GRM2: variants seen among roughly 807,000 people sequenced by gnomAD.
The protein encoded by GRM2 is metabotropic glutamate receptor 2.
GRM2 carries 35 observed loss-of-function variants against 60.4 expected under a neutral mutation model. That is an observed-to-expected ratio of 0.58 (90% CI 0.44 to 0.77). The LOEUF is 0.77. Ranked by LOEUF, GRM2 falls within the 30% of genes least tolerant of loss-of-function variation. The pLI is 0.00. For missense variants in GRM2, 925 were observed against 1,199.5 expected (o/e 0.77, Z 3.38); for synonymous variants, 437 against 484.1 (o/e 0.90, Z 1.28).
rs1028106968 is a variant in GRM2 at position 51,716,214 on chromosome 3, G to C, written c.2364+77G>C. ...TTCCTGGTATCTTATTTAATCTACT[G>C]GTAGCTCTGGGGTTCCAAGAGGATA... On this transcript the variant is annotated intron_variant, in intron 4 of 5. Coordinates refer to ENST00000395052, the MANE Select transcript of GRM2 (RefSeq NM_000839.5). This position sits in a 1 kb window ranked among gnomAD's most constrained non-coding sequence, Gnocchi z 4.0. 3.1e-6 allele frequency: 3 copies of C among 963,458 alleles called. No homozygotes were observed. Among genetic ancestry groups the C allele is most frequent in the Non-Finnish European group, 4.8e-6 (3 of 623,170 alleles). The allele number at this position is 963,458 out of a possible 1,614,324, so 59.7% of individuals were successfully genotyped here. A position where few individuals can be genotyped will look rare whatever the true frequency, so the allele number is the denominator to read the frequency against.
rs760924668 is a variant in GRM2 at position 51,716,787 on chromosome 3, AAC to A, written c.2364+652_2364+653del. 1.3e-5 allele frequency among the ~76,000 whole-genome samples: 2 copies of A among 152,220 alleles called. No individual in the cohort carries two copies. Among genetic ancestry groups the A allele is most frequent in the Non-Finnish European group, 2.9e-5 (2 of 68,034 alleles). The stretch of plus-strand genomic sequence containing the variant: ...GGCTCTCCCGTTTTACAGATGAAGA[AAC>A]AGAGACTCAGGGAGGTTCAATCCCT... On this transcript the variant is annotated intron_variant, in intron 4 of 5. Coordinates refer to ENST00000395052, the MANE Select transcript of GRM2 (RefSeq NM_000839.5). This position sits in a 1 kb window ranked among gnomAD's most constrained non-coding sequence, Gnocchi z 4.0.
rs780877654 is a variant in GRM2, at chr3:51,715,759, T to G, written c.1986T>G (p.Gly662=). 6.2e-7 allele frequency: 1 copy of G among 1,613,818 alleles called. No homozygotes were observed. Among genetic ancestry groups the G allele is most frequent in the Non-Finnish European group, 8.5e-7 (1 of 1,179,782 alleles). ...TKTNRIARIF[G]GAREGAQRPR... is the part of the protein sequence containing the mutation. ...CCAACCGCATTGCACGCATCTTCGG[T>G]GGGGCCCGGGAGGGTGCCCAGCGGC... The change falls in exon 4 of 6, where the codon GGT becomes GGG. Residue 662 remains glycine (G), a synonymous_variant. Transcript: ENST00000395052. The surrounding 1 kb of genome is among the most constrained non-coding windows in gnomAD (Gnocchi z 9.0).
At position 51,715,659 on chromosome 3, in the gene GRM2, C is replaced by T. The variant is rs746682496; in HGVS notation, c.1886C>T (p.Thr629Met). ...MTFIFIAKPSTAVCTLRRLGL... is the reference protein window; with the variant it reads ...MTFIFIAKPSMAVCTLRRLGL... The stretch of plus-strand genomic sequence containing the variant: ...TTCATCTTCATTGCCAAGCCATCCA[C>T]GGCAGTGTGTACCTTACGGCGTCTT... The change falls in exon 4 of 6, where the codon ACG (threonine) becomes ATG (methionine). Residue 629 changes from threonine to methionine, a missense_variant. Physicochemically the swap from Thr to Met is moderately conservative, Grantham distance 81 (BLOSUM62 -1). Coordinates refer to ENST00000395052, the MANE Select transcript of GRM2 (RefSeq NM_000839.5). This position sits in a 1 kb window ranked among gnomAD's most constrained non-coding sequence, Gnocchi z 9.0. 1.7e-5 allele frequency: 27 copies of T among 1,614,136 alleles called. No individual in the cohort carries two copies. The highest frequency in any genetic ancestry group is 1.3e-4 in the Admixed American group (8 of 60,014).
chr3:51,717,991 C>T lies in GRM2; in HGVS notation c.2546-48C>T. The T allele has an allele frequency of 1.3e-6, 2 of 1,563,636 alleles. No individual in the cohort carries two copies. On this transcript the variant is annotated intron_variant, in intron 5 of 5. Coordinates refer to ENST00000395052, the MANE Select transcript of GRM2 (RefSeq NM_000839.5). This position sits in a 1 kb window ranked among gnomAD's most constrained non-coding sequence, Gnocchi z 6.0. ...CCCTGCTTCCCCACTGCCTGCCCTC[C>T]ATGGAGGACCTCGGGATTGGCCCCA... is the stretch of plus-strand genomic sequence containing the variant.
Position 51,712,895 on chromosome 3 carries a change from G to A in GRM2, c.873G>A (p.Trp291Ter). The A allele has an allele frequency of 6.2e-7, 1 of 1,613,018 alleles. No individual in the cohort carries two copies. The highest frequency in any genetic ancestry group is 8.5e-7 in the Non-Finnish European group (1 of 1,180,036). Residue 291 changes from tryptophan (W) to a stop codon, truncating the protein, a stop_gained, in exon 3 of 6, where the codon TGG (tryptophan) becomes TGA (stop). Coordinates refer to ENST00000395052, the MANE Select transcript of GRM2 (RefSeq NM_000839.5). LOFTEE classifies it high-confidence loss of function. This position sits in a 1 kb window ranked among gnomAD's most constrained non-coding sequence, Gnocchi z 5.3. Reference sequence around the variant, plus strand: ...AGCGCCTCAATGCCAGCTTCACCTGGGTGGCCAGTGATGGTTGGGGGGCCC... The same window carrying A: ...AGCGCCTCAATGCCAGCTTCACCTGAGTGGCCAGTGATGGTTGGGGGGCCC... ...ASQRLNASFT[W>*]VASDGWGALE... is the part of the protein sequence containing the mutation.
At chr3:51,714,873 G>C (rs1007644704) in intron 3 of GRM2, 189 bp from the exon 4 acceptor site, 4 of 474,224 alleles carry the variant, frequency 8.4e-6, no homozygotes, top group Non-Finnish European at 1.5e-5. Flanking sequence ...TTAGGAGTAA[G>C]ACTTTGTTGT....
At position 51,708,905 on chromosome 3, in the gene GRM2, C is replaced by T. The variant is rs1401321296; in HGVS notation, c.-79C>T. The T allele has an allele frequency of 9.2e-7, 1 of 1,092,374 alleles. No homozygotes were observed. Among genetic ancestry groups the T allele is most frequent in the Non-Finnish European group, 1.3e-6 (1 of 779,310 alleles). 67.7% of individuals were successfully genotyped at this position (1,092,374 alleles called of 1,614,324 possible). ...TGTCCTTTCCTGGTCCCTGTTTCCT[C>T]CTCTCTTTGCCTTCGCTGCTTCTAA... On this transcript the variant is annotated 5_prime_UTR_variant, in exon 2 of 6. Coordinates refer to ENST00000395052, the MANE Select transcript of GRM2 (RefSeq NM_000839.5).
rs1308624347 is a variant in GRM2, at chr3:51,716,454, C to G, written c.2364+317C>G. 1.3e-5 allele frequency among the ~76,000 whole-genome samples: 2 copies of G among 152,158 alleles called. No homozygotes were observed. The highest frequency in any genetic ancestry group is 2.9e-5 in the Non-Finnish European group (2 of 68,038). On this transcript the variant is annotated intron_variant, in intron 4 of 5. Transcript: ENST00000395052. This position sits in a 1 kb window ranked among gnomAD's most constrained non-coding sequence, Gnocchi z 4.0. ...CTGCCCTGCTCCACTGAGGGGTCATCTGCAGAAGGGGTTGAGAGATGAAGC... is the reference window on the plus strand; with the variant it reads ...CTGCCCTGCTCCACTGAGGGGTCATGTGCAGAAGGGGTTGAGAGATGAAGC...
rs1021651462 is a variant in GRM2, at chr3:51,718,411, A to C, written c.*299A>C. On this transcript the variant is annotated 3_prime_UTR_variant, in exon 6 of 6. Transcript: ENST00000395052. The surrounding 1 kb of genome is among the most constrained non-coding windows in gnomAD (Gnocchi z 4.2). ...ACTCTGCCCTGGACCCGGGTGGCTG[A>C]GGACGGCAGGCCCCAGTCCTAACCA... 1.2e-5 allele frequency: 5 copies of C among 412,882 alleles called. No homozygotes were observed. Among genetic ancestry groups the C allele is most frequent in the African/African-American group, 1.0e-4 (5 of 49,168 alleles). 25.6% of individuals were successfully genotyped at this position (412,882 alleles called of 1,614,324 possible).
chr3:51,709,640 CTCAT>C (rs893096924), intron 2 of GRM2, among the ~76,000 whole-genome samples: 2 of 148,428 alleles, frequency 1.3e-5, no homozygotes, highest in African/African-American at 2.5e-5. Context: ...ACATCTTACT[CTCAT>C]TACTCCCACA....
At chr3:51,709,664 ACCCT>A (rs1161401424) in intron 2 of GRM2, among the ~76,000 whole-genome samples, 12 of 58,816 alleles carry the variant, frequency 2.0e-4, no homozygotes, top group Non-Finnish European at 4.5e-4. Flanking sequence ...ACACACACAC[ACCCT>A]CACACACACA....
chr3:51,715,928 C>T lies in GRM2; in HGVS notation c.2155C>T (p.Leu719=), dbSNP rs1703882320. Residue 719 remains leucine, a synonymous_variant, in exon 4 of 6, where the codon CTG becomes TTG. Coordinates refer to ENST00000395052, the MANE Select transcript of GRM2 (RefSeq NM_000839.5). The surrounding 1 kb of genome is among the most constrained non-coding windows in gnomAD (Gnocchi z 9.0). ...CCCCGAACGGCGGGAGGTGGTGACA[C>T]TGCGCTGCAACCACCGCGATGCAAG... The part of the protein sequence containing the change: ...TAPERREVVT[L]RCNHRDASML... 6.2e-7 allele frequency: 1 copy of T among 1,613,740 alleles called. No homozygotes were observed. Among genetic ancestry groups the T allele is most frequent in the Non-Finnish European group, 8.5e-7 (1 of 1,179,972 alleles).
At chr3:51,709,542 A>G (rs1399979258) in intron 2 of GRM2, 109 bp downstream of exon 2, 5 of 757,692 alleles carry the variant, frequency 6.6e-6, no homozygotes, top group Admixed American at 3.0e-5. Flanking sequence ...AAGGGAAACT[A>G]GAAGCTTCCT....
rs2107107404 is a variant in GRM2, at chr3:51,713,006, C to T, written c.984C>T (p.Ala328=). The change falls in exon 3 of 6, where the codon GCC becomes GCT. Residue 328 remains alanine (A), a synonymous_variant. Coordinates refer to ENST00000395052, the MANE Select transcript of GRM2 (RefSeq NM_000839.5). The surrounding 1 kb of genome is among the most constrained non-coding windows in gnomAD (Gnocchi z 4.8). ...ELASYPISDF[A]SYFQSLDPWN... is the part of the protein sequence containing the mutation. ...CCTCCTACCCCATCAGTGACTTTGCCTCCTACTTCCAGAGCCTGGACCCTT... is the reference window on the plus strand; with the variant it reads ...CCTCCTACCCCATCAGTGACTTTGCTTCCTACTTCCAGAGCCTGGACCCTT... 6.2e-7 allele frequency: 1 copy of T among 1,613,376 alleles called. No homozygotes were observed. The highest frequency in any genetic ancestry group is 1.6e-4 in the Middle Eastern group (1 of 6,062).
At position 51,712,890 on chromosome 3, in the gene GRM2, A is replaced by G. The variant is rs1282141958; in HGVS notation, c.868A>G (p.Thr290Ala). Residue 290 changes from threonine to alanine, a missense_variant, in exon 3 of 6, where the codon ACC becomes GCC. Transcript: ENST00000395052. The surrounding 1 kb of genome is among the most constrained non-coding windows in gnomAD (Gnocchi z 5.3). ...AASQRLNASF[T>A]WVASDGWGAL... is the part of the protein sequence containing the mutation. ...CAGCCAGCGCCTCAATGCCAGCTTC[A>G]CCTGGGTGGCCAGTGATGGTTGGGG... The G allele has an allele frequency of 1.2e-6, 2 of 1,612,990 alleles. No individual in the cohort carries two copies. Among genetic ancestry groups the G allele is most frequent in the East Asian group, 2.2e-5 (1 of 44,884 alleles).
rs149954328 is a variant in GRM2, at chr3:51,715,990, C to T, written c.2217C>T (p.Ile739=). 4.2e-5 allele frequency: 68 copies of T among 1,614,216 alleles called. 1 individual carries two copies. The Middle Eastern group carries it at 4.9e-4, about 12-fold the overall frequency. Residue 739 remains isoleucine, a synonymous_variant, in exon 4 of 6, where the codon ATC becomes ATT. Coordinates refer to ENST00000395052, the MANE Select transcript of GRM2 (RefSeq NM_000839.5). This position sits in a 1 kb window ranked among gnomAD's most constrained non-coding sequence, Gnocchi z 9.0. ...LGSLAYNVLL[I]ALCTLYAFKT... ...CGCTGGCCTACAATGTGCTCCTCAT[C>T]GCGCTCTGCACGCTTTATGCCTTCA...
intron 2 of GRM2, chr3:51,711,226 C>T (rs529792073): frequency 2.0e-5 from 3 of 152,160 alleles, no homozygotes; most frequent in Admixed American, 6.5e-5. Context: ...GGCAGCTGTC[C>T]TGCTAGTCCC....
rs1703849158 is a variant in GRM2 at position 51,715,188 on chromosome 3, G to A, written c.1415G>A (p.Gly472Asp). 6.2e-7 allele frequency: 1 copy of A among 1,613,952 alleles called. No individual in the cohort carries two copies. The highest frequency in any genetic ancestry group is 8.5e-7 in the Non-Finnish European group (1 of 1,179,868). ...GSGRYRYQKV[G>D]YWAEGLTLDT... ...GGGCGCTATCGCTACCAGAAGGTGG[G>A]CTACTGGGCAGAAGGCTTGACTCTG... The change falls in exon 4 of 6, where the codon GGC (glycine) becomes GAC (aspartate). Residue 472 changes from glycine (G) to aspartate (D), a missense_variant. Physicochemically the swap from Gly to Asp is moderately conservative, Grantham distance 94. Transcript: ENST00000395052. The surrounding 1 kb of genome is among the most constrained non-coding windows in gnomAD (Gnocchi z 9.0).
At position 51,713,305 on chromosome 3, in the gene GRM2, T is replaced by G; in HGVS notation, c.1283T>G (p.Phe428Cys). 6.2e-7 allele frequency: 1 copy of G among 1,600,720 alleles called. No individual in the cohort carries two copies. The highest frequency in any genetic ancestry group is 8.5e-7 in the Non-Finnish European group (1 of 1,170,946). ...AAGGACTTTGTGCTCAACGTCAAGT[T>G]TGATGGTAATGGTGTTGGCCAGTGT... Reference protein sequence around the residue: ...LYKDFVLNVKFDAPFRPADTH... With the variant: ...LYKDFVLNVKCDAPFRPADTH... The change falls in exon 3 of 6, where the codon TTT becomes TGT. Residue 428 changes from phenylalanine (F) to cysteine (C), a missense_variant. Physicochemically the swap from Phe to Cys is radical, Grantham distance 205. Transcript: ENST00000395052. The surrounding 1 kb of genome is among the most constrained non-coding windows in gnomAD (Gnocchi z 4.8).
Sources: gnomAD v4.1 joint callset for allele counts (sites outside exome capture counted in the v4.1 genomes callset) on GRCh38, gnomAD v4.1.1 for gene constraint, Gnocchi (gnomAD v3.1) non-coding constraint, MANE v1.5 for transcripts, NCBI Gene and HGNC (gene_info 2026-07-23, HGNC 2026-07-21) for gene names.